Variants in DERA observed in about 807,000 individuals in gnomAD.
DERA encodes 2-deoxy-D-ribose 5-phosphate aldolase.
A neutral mutation model predicts 41.1 loss-of-function variants in DERA; 15 were observed. The ratio of observed to expected loss-of-function variants is 0.37; its 90% CI spans 0.24 to 0.56. The LOEUF (loss-of-function observed/expected upper bound fraction) is 0.56. Ranked by LOEUF, DERA falls within the 20% of genes least tolerant of loss-of-function variation. DERA has a pLI of 0.81. For synonymous variants in DERA, 139 were observed against 137.4 expected (o/e 1.01, Z -0.08); for missense variants, 396 against 403.4 (o/e 0.98, Z 0.16).
chr12:15,942,211 C>G (rs1948413620), intron 1 of DERA, among the ~76,000 whole-genome samples: 1 of 151,986 alleles, frequency 6.6e-6, no homozygotes, highest in South Asian at 2.1e-4. Context: ...AATGGGATTA[C>G]TTGTTTTTTT....
rs764436158 is a variant in DERA at position 16,001,764 on chromosome 12, C to G, written c.637+19328C>G. Among the ~76,000 whole-genome samples the G allele has an allele frequency of 6.6e-6, 1 of 152,032 alleles. No homozygotes were observed. Among genetic ancestry groups the G allele is most frequent in the Non-Finnish European group, 1.5e-5 (1 of 68,004 alleles). Reference sequence around the variant, plus strand: ...TCATGAGTTAGGAGAACACTAAGACCGAATGCTCTGTCTCCTGCTTCCCTG... The same window carrying G: ...TCATGAGTTAGGAGAACACTAAGACGGAATGCTCTGTCTCCTGCTTCCCTG... On this transcript the variant is annotated intron_variant, in intron 6 of 8. Coordinates refer to ENST00000428559, the MANE Select transcript of DERA (RefSeq NM_015954.4). This position sits in a 1 kb window ranked among gnomAD's most constrained non-coding sequence, Gnocchi z 4.1.
rs913494653 is a variant in DERA at position 15,922,057 on chromosome 12, A to G, written c.31+10643A>G. 3.3e-5 allele frequency among the ~76,000 whole-genome samples: 5 copies of G among 152,186 alleles called. No individual in the cohort carries two copies. The highest frequency in any genetic ancestry group is 6.5e-5 in the Admixed American group (1 of 15,274). On this transcript the variant is annotated intron_variant, in intron 1 of 8. Coordinates refer to ENST00000428559, the MANE Select transcript of DERA (RefSeq NM_015954.4). This position sits in a 1 kb window ranked among gnomAD's most constrained non-coding sequence, Gnocchi z 4.9. ...AGGAGGCAATCATTATTATAATCTC[A>G]AAGTCATTCATTCAGCATGTGTATG... is the stretch of plus-strand genomic sequence containing the variant.
chr12:15,930,146 A>C (rs1041978697), intron 1 of DERA, among the ~76,000 whole-genome samples: 1 of 152,180 alleles, frequency 6.6e-6, no homozygotes, highest in Admixed American at 6.5e-5. Flanking sequence ...CCTTTACTCA[A>C]AATATATTAG....
In DERA at chr12:15,995,547, G is replaced by C. The variant is rs1286617299; in HGVS notation, c.637+13111G>C. ...TTTCTTCCAGACTCTCTTACCTAGG[G>C]TGCCCAGAGAACAGCTAGGGAGTGA... On this transcript the variant is annotated intron_variant, in intron 6 of 8. Coordinates refer to ENST00000428559, the MANE Select transcript of DERA (RefSeq NM_015954.4). This position sits in a 1 kb window ranked among gnomAD's most constrained non-coding sequence, Gnocchi z 5.1. Among the ~76,000 whole-genome samples the C allele has an allele frequency of 1.3e-5, 2 of 152,132 alleles. No individual in the cohort carries two copies. Among genetic ancestry groups the C allele is most frequent in the Non-Finnish European group, 2.9e-5 (2 of 68,016 alleles).
intron 5 of DERA, among the ~76,000 whole-genome samples, chr12:15,978,292 A>G (rs1428455944): frequency 6.6e-6 from 1 of 151,950 alleles, no homozygotes; most frequent in African/African-American, 2.4e-5. Flanking sequence ...GAAGTGGTCT[A>G]TTTTTTCTTA....
intron 1 of DERA, among the ~76,000 whole-genome samples, chr12:15,948,969 G>C (rs1347126606): frequency 6.6e-6 from 1 of 152,186 alleles, no homozygotes; most frequent in Non-Finnish European, 1.5e-5. Context: ...GTCCACTCCA[G>C]ACCCTGTTTG....
At position 15,945,371 on chromosome 12, in the gene DERA, G is replaced by T. The variant is rs180729709; in HGVS notation, c.32-11565G>T. Among the ~76,000 whole-genome samples the T allele has an allele frequency of 3.3e-4, 50 of 152,294 alleles. No individual in the cohort carries two copies. In the East Asian group the frequency reaches 5.2e-3, roughly 16 times the overall value. ...TTCTTCCTATCCATGAGCATGGAAT[G>T]TTCTTCCATTTGTTTGTGTCCTCTT... On this transcript the variant is annotated intron_variant, in intron 1 of 8. Coordinates refer to ENST00000428559, the MANE Select transcript of DERA (RefSeq NM_015954.4).
rs770114532 is a variant in DERA at position 15,988,848 on chromosome 12, A to G, written c.637+6412A>G. On this transcript the variant is annotated intron_variant, in intron 6 of 8. Coordinates refer to ENST00000428559, the MANE Select transcript of DERA (RefSeq NM_015954.4). The surrounding 1 kb of genome is among the most constrained non-coding windows in gnomAD (Gnocchi z 6.0). ...TGCAGACCCACACCAAGCTGCCCTC[A>G]GCCCCTTGGCCTTTCTCCTATGCTT... Among the ~76,000 whole-genome samples, 69 of 152,182 alleles carry G rather than the reference A, an allele frequency of 4.5e-4. No individual in the cohort carries two copies. Among genetic ancestry groups the G allele is most frequent in the Non-Finnish European group, 2.1e-4 (14 of 68,018 alleles).
Position 15,982,224 on chromosome 12 carries a change from A to G in DERA, c.509-84A>G, listed in dbSNP as rs1350874933. ...ATGTTTTATGTTTCCTAAATGTGAAATGGGTTCCACCAGCTCTAAACGGCT... is the reference window on the plus strand; with the variant it reads ...ATGTTTTATGTTTCCTAAATGTGAAGTGGGTTCCACCAGCTCTAAACGGCT... On this transcript the variant is annotated intron_variant, in intron 5 of 8. Transcript: ENST00000428559. The surrounding 1 kb of genome is among the most constrained non-coding windows in gnomAD (Gnocchi z 4.0). 3.0e-6 allele frequency: 4 copies of G among 1,338,560 alleles called. No individual in the cohort carries two copies. The highest frequency in any genetic ancestry group is 4.7e-5 in the East Asian group (2 of 42,152). The allele number at this position is 1,338,560 out of a possible 1,614,324, so 82.9% of individuals were successfully genotyped here. A position where few individuals can be genotyped will look rare whatever the true frequency, so the allele number is the denominator to read the frequency against.
chr12:15,971,201 A>G (rs542480952), intron 5 of DERA, among the ~76,000 whole-genome samples: 35 of 152,332 alleles, frequency 2.3e-4, no homozygotes, highest in African/African-American at 7.7e-4. Context: ...TTTCTGTGGC[A>G]TCTGCCGTTG....
At position 15,936,337 on chromosome 12, in the gene DERA, T is replaced by C. The variant is rs770274053; in HGVS notation, c.32-20599T>C. 5.1e-4 allele frequency among the ~76,000 whole-genome samples: 77 copies of C among 152,230 alleles called. 2 individuals carry two copies. Among genetic ancestry groups the C allele is most frequent in the Non-Finnish European group, 1.2e-4 (8 of 68,036 alleles). On this transcript the variant is annotated intron_variant, in intron 1 of 8. Coordinates refer to ENST00000428559, the MANE Select transcript of DERA (RefSeq NM_015954.4). This position sits in a 1 kb window ranked among gnomAD's most constrained non-coding sequence, Gnocchi z 4.6. ...CAAACATTCAGAAAAGTAGGACTAG[T>C]ATAAAGAACACTCATATATCTGTCA...
At chr12:15,949,917 T>C (rs1253794136) in intron 1 of DERA, among the ~76,000 whole-genome samples, 1 of 152,234 alleles carries the variant, frequency 6.6e-6, no homozygotes, top group East Asian at 1.9e-4. Flanking sequence ...CTGTGAGTTA[T>C]TACCCTCATT....
Position 16,022,694 on chromosome 12 carries a change from A to G in DERA, c.638-9848A>G, listed in dbSNP as rs561743975. Among the ~76,000 whole-genome samples the G allele has an allele frequency of 4.6e-5, 7 of 152,326 alleles. No homozygotes were observed. The East Asian group carries it at 1.4e-3, about 29-fold the overall frequency. ...ACCTGAGGTCGCAAGGTAAACTGTC[A>G]GCTTGAAATCCAGAGAGACAGATAA... On this transcript the variant is annotated intron_variant, in intron 6 of 8. Transcript: ENST00000428559.
At chr12:15,930,957 A>G (rs1948323198) in intron 1 of DERA, among the ~76,000 whole-genome samples, 1 of 152,174 alleles carries the variant, frequency 6.6e-6, no homozygotes, top group Non-Finnish European at 1.5e-5. Flanking sequence ...AAGTTTCAGG[A>G]AAAATAGGTA....
In DERA at chr12:15,946,123, G is replaced by A. The variant is rs181207157; in HGVS notation, c.32-10813G>A. Among the ~76,000 whole-genome samples, 7 of 152,200 alleles carry A rather than the reference G, an allele frequency of 4.6e-5. No individual in the cohort carries two copies. The East Asian group carries it at 5.8e-4, about 13-fold the overall frequency. Reference sequence around the variant, plus strand: ...AGCTTTTTGATGTGCTGCTGGATTCGGTTTGCCAGTATTTTATTGAGGATT... The same window carrying A: ...AGCTTTTTGATGTGCTGCTGGATTCAGTTTGCCAGTATTTTATTGAGGATT... On this transcript the variant is annotated intron_variant, in intron 1 of 8. Transcript: ENST00000428559.
chr12:15,958,078 A>T (rs1250653048), intron 2 of DERA, 110 bp from the exon 3 acceptor site: 6 of 823,350 alleles, frequency 7.3e-6, no homozygotes, highest in Non-Finnish European at 1.1e-5. Flanking sequence ...TAGGCATAAG[A>T]TATTAACACC....
intron 1 of DERA, among the ~76,000 whole-genome samples, chr12:15,912,455 G>A (rs1271767546): frequency 6.6e-6 from 1 of 152,132 alleles, no homozygotes; most frequent in African/African-American, 2.4e-5. Context: ...TAAGCGTCTC[G>A]TTTAAGTATT....
At chr12:16,028,619 C>T (rs1949069745) in intron 6 of DERA, among the ~76,000 whole-genome samples, 2 of 152,148 alleles carry the variant, frequency 1.3e-5, no homozygotes, top group Admixed American at 6.5e-5. Flanking sequence ...CGAGCCAACA[C>T]TAACTACCTC....
At chr12:15,912,807 A>G (rs1238488698) in intron 1 of DERA, among the ~76,000 whole-genome samples, 1 of 152,152 alleles carries the variant, frequency 6.6e-6, no homozygotes, top group Non-Finnish European at 1.5e-5. Flanking sequence ...CACTTCCAAG[A>G]GGTGTTCTGG....
Sources: gnomAD v4.1 joint callset for allele counts (sites outside exome capture counted in the v4.1 genomes callset) on GRCh38, gnomAD v4.1.1 for gene constraint, Gnocchi (gnomAD v3.1) non-coding constraint, MANE v1.5 for transcripts, NCBI Gene and HGNC (gene_info 2026-07-23, HGNC 2026-07-21) for gene names.